Variants in AGMO observed in about 807,000 individuals in gnomAD.
The protein encoded by AGMO is glyceryl-ether monooxygenase.
In AGMO, 75 loss-of-function variants were observed where a neutral mutation model predicts 60.2. The observed-to-expected ratio is 1.25, with a 90% CI of 1.03 to 1.51. The LOEUF (loss-of-function observed/expected upper bound fraction) is 1.51, where lower values mean the gene tolerates loss of function less well. Ranked by LOEUF, AGMO falls within the 40% of genes most tolerant of loss-of-function variation. AGMO has a pLI of 0.00. For missense variants in AGMO, 763 were observed against 525.5 expected (o/e 1.45, Z -4.42); for synonymous variants, 261 against 177.1 (o/e 1.47, Z -3.76).
At chr7:15,521,751 G>T (rs1783995028) in intron 3 of AGMO, among the ~76,000 whole-genome samples, 1 of 152,066 alleles carries the variant, frequency 6.6e-6, no homozygotes, top group Non-Finnish European at 1.5e-5. Flanking sequence ...ATACTGAATG[G>T]GCAAAAGATG....
At chr7:15,504,493 AG>A (rs1449075661) in intron 3 of AGMO, among the ~76,000 whole-genome samples, 1 of 152,008 alleles carries the variant, frequency 6.6e-6, no homozygotes, top group Admixed American at 6.6e-5. Context: ...AACAGTTTTT[AG>A]AAAGGTACTC....
In AGMO at chr7:15,229,990, T is replaced by C. The variant is rs1035982979; in HGVS notation, c.1264-28631A>G. Among the ~76,000 whole-genome samples the C allele has an allele frequency of 7.9e-5, 12 of 151,840 alleles. No individual in the cohort carries two copies. The South Asian group carries it at 8.3e-4, about 10-fold the overall frequency. ...AAGCCATATTTCTCATTTTAATTCA[T>C]TGAAACAAAATTAAAATTATAATTT... On this transcript the variant is annotated intron_variant, in intron 12 of 12. Transcript: ENST00000342526.
chr7:15,216,684 GT>G (rs1458124388), intron 12 of AGMO, among the ~76,000 whole-genome samples: 2 of 152,128 alleles, frequency 1.3e-5, no homozygotes, highest in South Asian at 2.1e-4. Flanking sequence ...ATAAAATCAA[GT>G]TTTTTTAAGA....
intron 3 of AGMO, among the ~76,000 whole-genome samples, chr7:15,505,520 G>A (rs192558562): frequency 5.1e-4 from 77 of 152,064 alleles, no homozygotes; most frequent in Middle Eastern, 3.4e-3. Context: ...TGAACACAAA[G>A]TCTGTGTCAC....
intron 2 of AGMO, among the ~76,000 whole-genome samples, chr7:15,553,816 A>C (rs1416247405): frequency 6.6e-6 from 1 of 152,092 alleles, no homozygotes; most frequent in Non-Finnish European, 1.5e-5. Context: ...CCAATTTATT[A>C]CTCCGTCAAC....
At chr7:15,268,865 C>T (rs1050406274) in intron 12 of AGMO, among the ~76,000 whole-genome samples, 2 of 151,826 alleles carry the variant, frequency 1.3e-5, no homozygotes, top group South Asian at 2.1e-4. Flanking sequence ...GCGGTAAGGT[C>T]AACAGATGAA....
chr7:15,395,544 GTA>G (rs1784338722), intron 5 of AGMO, among the ~76,000 whole-genome samples: 1 of 152,096 alleles, frequency 6.6e-6, no homozygotes, highest in East Asian at 1.9e-4. Flanking sequence ...GTTTAGCGTT[GTA>G]TAACTGAAAT....
intron 12 of AGMO, among the ~76,000 whole-genome samples, chr7:15,233,567 C>G (rs1410984057): frequency 6.6e-6 from 1 of 151,590 alleles, no homozygotes; most frequent in South Asian, 2.1e-4. Context: ...TTTTTCCCCC[C>G]TTTGGATGAT....
chr7:15,191,572 A>C, the AGMO span, among the ~76,000 whole-genome samples: 2 of 152,198 alleles, frequency 1.3e-5, no homozygotes, highest in Non-Finnish European at 2.9e-5. Flanking sequence ...TTTATGTATT[A>C]TAATTGAATC....
Position 15,544,450 on chromosome 7 carries a change from T to C in AGMO, c.409+322A>G, listed in dbSNP as rs952911953. On this transcript the variant is annotated intron_variant, in intron 3 of 12. Transcript: ENST00000342526. ...CCTTGTTTGGGTTCTGACTAATAAATATCCCCATAAAAATTAAAATTTTCA... is the reference window on the plus strand; with the variant it reads ...CCTTGTTTGGGTTCTGACTAATAAACATCCCCATAAAAATTAAAATTTTCA... Among the ~76,000 whole-genome samples, 5 of 151,962 alleles carry C rather than the reference T, an allele frequency of 3.3e-5. No homozygotes were observed. The South Asian group carries it at 1.0e-3, about 32-fold the overall frequency.
At chr7:15,263,471 G>A (rs912177982) in intron 12 of AGMO, among the ~76,000 whole-genome samples, 1 of 152,038 alleles carries the variant, frequency 6.6e-6, no homozygotes. Flanking sequence ...ACTGTTGGTG[G>A]GAATGTAAAA....
chr7:15,349,737 G>A (rs1428488125), intron 12 of AGMO, among the ~76,000 whole-genome samples: 1 of 152,124 alleles, frequency 6.6e-6, no homozygotes, highest in African/African-American at 2.4e-5. Context: ...TTATAATCAT[G>A]GCAGAAGGCA....
At chr7:15,161,624 C>T in the AGMO span, among the ~76,000 whole-genome samples, 38 of 117,548 alleles carry the variant, frequency 3.2e-4, no homozygotes, top group Non-Finnish European at 6.0e-4. Flanking sequence ...ATATATATCC[C>T]TATATTCATA....
intron 12 of AGMO, among the ~76,000 whole-genome samples, chr7:15,321,321 C>G (rs190388888): frequency 6.6e-6 from 1 of 152,244 alleles, no homozygotes; most frequent in Admixed American, 6.6e-5. Context: ...TATGCATGCA[C>G]CTTTCTAAAA....
At chr7:15,493,260 G>GT (rs1449905149) in intron 3 of AGMO, among the ~76,000 whole-genome samples, 2 of 137,636 alleles carry the variant, frequency 1.5e-5, no homozygotes, top group East Asian at 4.6e-4. Flanking sequence ...TTGTCCATAT[G>GT]TTTTGTTAGT....
intron 3 of AGMO, among the ~76,000 whole-genome samples, chr7:15,438,987 T>G (rs184179790): frequency 6.6e-6 from 1 of 152,274 alleles, no homozygotes; most frequent in African/African-American, 2.4e-5. Context: ...AAGCACTTCC[T>G]AGGAAACTAG....
chr7:15,265,800 G>A (rs1783414433), intron 12 of AGMO, among the ~76,000 whole-genome samples: 1 of 152,062 alleles, frequency 6.6e-6, no homozygotes, highest in Non-Finnish European at 1.5e-5. Flanking sequence ...CAAAAGAATT[G>A]AAAGCCATGT....
chr7:15,276,095 GCTAA>G (rs1783777936), intron 12 of AGMO, among the ~76,000 whole-genome samples: 1 of 152,132 alleles, frequency 6.6e-6, no homozygotes, highest in South Asian at 2.1e-4. Flanking sequence ...CTTAGTGTTA[GCTAA>G]CTGTGTAATT....
intron 12 of AGMO, among the ~76,000 whole-genome samples, chr7:15,351,879 C>T (rs1404227249): frequency 6.7e-6 from 1 of 149,950 alleles, no homozygotes; most frequent in Non-Finnish European, 1.5e-5. Flanking sequence ...AGATGAATAG[C>T]ACTATGGATT....
Sources: allele counts gnomAD v4.1 joint callset (sites outside exome capture counted in the v4.1 genomes callset), GRCh38; gene constraint gnomAD v4.1.1; transcripts MANE v1.5; gene names NCBI Gene and HGNC (gene_info 2026-07-23, HGNC 2026-07-21).